The following CECR2 variants were observed in gnomAD, a reference collection of about 807,000 sequenced individuals.
CECR2 encodes the protein CECR2 histone acetyl-lysine reader.
CECR2 carries 30 observed loss-of-function variants against 154.5 expected under a neutral mutation model. That is an observed-to-expected ratio of 0.19 (90% confidence interval 0.15 to 0.26). The LOEUF (loss-of-function observed/expected upper bound fraction) is 0.26, where lower values mean the gene tolerates loss of function less well. Among genes scored for constraint, CECR2 ranks in the 10% least tolerant of loss-of-function variants. The pLI is 1.00. For missense variants in CECR2, 1,743 were observed against 1,829.3 expected, an observed-to-expected ratio of 0.95 and a Z score of 0.86; for synonymous variants, 725 against 683.7, an observed-to-expected ratio of 1.06 and a Z score of -0.94.
chr22:17,536,197 G>A (rs924330876), intron 9 of CECR2, among the ~76,000 whole-genome samples: 4 of 152,156 alleles, frequency 2.6e-5, no homozygotes, highest in African/African-American at 4.8e-5. Flanking sequence ...GTGGTGAGCC[G>A]AGGTGGCGCC....
At chr22:17,449,926 C>T (rs2054742247) in intron 1 of CECR2, among the ~76,000 whole-genome samples, 1 of 152,236 alleles carries the variant, frequency 6.6e-6, no homozygotes, top group Non-Finnish European at 1.5e-5. Flanking sequence ...GTGATGCTTC[C>T]TTTCACACAT....
At position 17,391,060 on chromosome 22, in the gene CECR2, G is replaced by GTC. The variant is rs573571793; in HGVS notation, c.126+21152_126+21153dup. 2.4e-4 allele frequency among the ~76,000 whole-genome samples: 36 copies of GTC among 152,304 alleles called. 1 individual carries two copies. In the South Asian group the frequency reaches 7.5e-3, roughly 32 times the overall value. ...CATTGGCTGAACCATTTGAAAGTAA[G>GTC]TCGACTGTGTCATGAGAGTCTACCC... On this transcript the variant is annotated intron_variant, in intron 1 of 18. Transcript: ENST00000262608.
At chr22:17,382,107 G>T (rs967585692) in intron 1 of CECR2, among the ~76,000 whole-genome samples, 18 of 151,418 alleles carry the variant, frequency 1.2e-4, no homozygotes, top group Admixed American at 1.2e-3. Context: ...AGCCAGGATG[G>T]TCTTGATCTC....
At chr22:17,459,384 C>T (rs1403755950) in intron 1 of CECR2, among the ~76,000 whole-genome samples, 2 of 152,176 alleles carry the variant, frequency 1.3e-5, no homozygotes, top group African/African-American at 2.4e-5. Context: ...TGCAACTTCC[C>T]GGGTTCAAGC....
intron 1 of CECR2, among the ~76,000 whole-genome samples, chr22:17,386,253 C>T (rs2063259464): frequency 3.3e-5 from 5 of 151,918 alleles, no homozygotes; most frequent in South Asian, 4.2e-4. Context: ...TTACTCTGAC[C>T]GGAGAGGGAG....
chr22:17,378,200 G>A (rs565676202), intron 1 of CECR2, among the ~76,000 whole-genome samples: 2 of 151,334 alleles, frequency 1.3e-5, no homozygotes, highest in South Asian at 4.2e-4. Context: ...AGCCAGGATG[G>A]TCTGGATCTC....
rs146231898 is a variant in CECR2, at chr22:17,549,256, G to A, written c.3969G>A (p.Pro1323=). Residue 1323 remains proline (P), a synonymous_variant, in exon 17 of 19, where the codon CCG becomes CCA. Transcript: ENST00000262608. ...GCGAGTATCTCTATGGAACTCCTCC[G>A]CCTCTGAGTTCAGGAATGGGATTTG... The part of the protein sequence containing the change: ...SASEYLYGTP[P]PLSSGMGFGS... 7.2e-4 allele frequency: 1,156 copies of A among 1,613,952 alleles called. 13 individuals carry two copies. The African/African-American group carries it at 0.013, about 17-fold the overall frequency.
At chr22:17,527,916 C>A (rs1353318708) in intron 9 of CECR2, among the ~76,000 whole-genome samples, 1 of 152,092 alleles carries the variant, frequency 6.6e-6, no homozygotes, top group Non-Finnish European at 1.5e-5. Context: ...ATAACAAATA[C>A]TGGTGAGAAT....
intron 1 of CECR2, among the ~76,000 whole-genome samples, chr22:17,405,075 A>T (rs567710068): frequency 1.3e-5 from 2 of 152,300 alleles, no homozygotes; most frequent in South Asian, 2.1e-4. Flanking sequence ...TGTCAGATTT[A>T]TCCCAAAGTA....
At chr22:17,404,299 C>T (rs963931691) in intron 1 of CECR2, among the ~76,000 whole-genome samples, 1 of 128,132 alleles carries the variant, frequency 7.8e-6, no homozygotes, top group African/African-American at 3.0e-5. Flanking sequence ...AAAAAAAAGA[C>T]TATCCTTTAT....
chr22:17,533,991 G>C (rs926339080), intron 9 of CECR2, among the ~76,000 whole-genome samples: 2 of 152,026 alleles, frequency 1.3e-5, no homozygotes, highest in African/African-American at 2.4e-5. Context: ...TAGGATTACA[G>C]ATGTGAGCCA....
chr22:17,492,209 T>C (rs1217980706), intron 2 of CECR2, among the ~76,000 whole-genome samples: 1 of 152,244 alleles, frequency 6.6e-6, no homozygotes, highest in East Asian at 1.9e-4. Flanking sequence ...ATTTTTCATC[T>C]TATCTCCATT....
intron 9 of CECR2, among the ~76,000 whole-genome samples, chr22:17,533,111 A>G (rs2056384336): frequency 6.6e-6 from 1 of 151,532 alleles, no homozygotes; most frequent in African/African-American, 2.4e-5. Flanking sequence ...AGGTCAGAAG[A>G]TCAAGACCAT....
chr22:17,407,594 C>CAA (rs201219151), intron 1 of CECR2, among the ~76,000 whole-genome samples: 3 of 128,084 alleles, frequency 2.3e-5, no homozygotes, highest in East Asian at 2.1e-4. Flanking sequence ...GACTCTGTCT[C>CAA]AAAAAAAAAA....
At chr22:17,426,626 G>A (rs1054337942) in intron 1 of CECR2, among the ~76,000 whole-genome samples, 1 of 152,196 alleles carries the variant, frequency 6.6e-6, no homozygotes, top group African/African-American at 2.4e-5. Context: ...CAAAGTGTTG[G>A]GATTACAGGC....
chr22:17,420,418 C>T (rs987188543), intron 1 of CECR2, among the ~76,000 whole-genome samples: 2 of 152,130 alleles, frequency 1.3e-5, no homozygotes, highest in Non-Finnish European at 2.9e-5. Flanking sequence ...TATTTGGGGA[C>T]CCTGTTCCTT....
At chr22:17,537,547 A>G (rs1052924237) in intron 10 of CECR2, among the ~76,000 whole-genome samples, 5 of 152,170 alleles carry the variant, frequency 3.3e-5, no homozygotes, top group African/African-American at 4.8e-5. Flanking sequence ...TTTTAAAGTA[A>G]TTACTTCCCG....
intron 1 of CECR2, among the ~76,000 whole-genome samples, chr22:17,417,297 C>G (rs1439121553): frequency 6.6e-6 from 1 of 151,072 alleles, no homozygotes; most frequent in African/African-American, 2.5e-5. Context: ...TAATCACTGT[C>G]AAGTTTTGAC....
intron 16 of CECR2, 66 bp downstream of exon 16, chr22:17,543,069 T>C (rs562079033): frequency 6.8e-7 from 1 of 1,475,322 alleles, no homozygotes; most frequent in South Asian, 1.4e-5. Context: ...TTACACAGCA[T>C]ATCAAACCAA....
Sources: allele counts gnomAD v4.1 joint callset (sites outside exome capture counted in the v4.1 genomes callset), GRCh38; gene constraint gnomAD v4.1.1; transcripts MANE v1.5; gene names NCBI Gene and HGNC (gene_info 2026-07-23, HGNC 2026-07-21).